CHD7: variants seen among roughly 807,000 people sequenced by gnomAD.
The protein encoded by CHD7 is chromodomain helicase DNA binding protein 7, also known as ATP-dependent chromatin remodeler CHD7.
CHD7 carries 24 observed loss-of-function variants against 307.3 expected under a neutral mutation model. The ratio of observed to expected loss-of-function variants is 0.08; its 90% CI spans 0.06 to 0.11. CHD7 has a LOEUF of 0.11. CHD7 is among the 10% of genes least tolerant of loss of function. The pLI is 1.00. For missense variants in CHD7, 3,106 were observed against 3,727.1 expected (o/e 0.83, Z 4.34); for synonymous variants, 1,363 against 1,349.9 (o/e 1.01, Z -0.21).
intron 2 of CHD7, among the ~76,000 whole-genome samples, chr8:60,773,804 T>G (rs1810823302): frequency 6.6e-6 from 1 of 152,116 alleles, no homozygotes; most frequent in South Asian, 2.1e-4. Context: ...TTGAGAATCA[T>G]AGTGGATAAT....
Position 60,849,038 on chromosome 8 carries a change from T to C in CHD7, c.5301-13T>C, listed in dbSNP as rs368716487. ...TTTTAATACTAATATTTCTTATAAA[T>C]GTTGTCTTTCAGTGAAGCCGATGTG... is the stretch of plus-strand genomic sequence containing the variant. On this transcript the variant is annotated splice_polypyrimidine_tract_variant and intron_variant, in intron 24 of 37. Coordinates refer to ENST00000423902, the MANE Select transcript of CHD7 (RefSeq NM_017780.4). 1.4e-5 allele frequency: 23 copies of C among 1,593,420 alleles called. No individual in the cohort carries two copies. In the African/African-American group the frequency reaches 1.6e-4, roughly 11 times the overall value.
chr8:60,773,317 G>T (rs1033057747), intron 2 of CHD7, among the ~76,000 whole-genome samples: 3 of 152,182 alleles, frequency 2.0e-5, no homozygotes, highest in African/African-American at 7.2e-5. Context: ...TTACTTCAGG[G>T]ATAGGAGATG....
chr8:60,706,155 T>C (rs1027790434), intron 1 of CHD7, among the ~76,000 whole-genome samples: 2 of 152,110 alleles, frequency 1.3e-5, no homozygotes, highest in African/African-American at 4.8e-5. Context: ...TTTTACACCA[T>C]GGTGATTACA....
intron 13 of CHD7, chr8:60,824,704 A>G (rs1242605627): frequency 6.6e-6 from 1 of 152,198 alleles, no homozygotes; most frequent in East Asian, 1.9e-4. Flanking sequence ...GGGGCATTAC[A>G]GTGCCTCAGA....
chr8:60,845,357 G>T lies in CHD7; in HGVS notation c.5158G>T (p.Ala1720Ser). 6.2e-7 allele frequency: 1 copy of T among 1,614,024 alleles called. No homozygotes were observed. Among genetic ancestry groups the T allele is most frequent in the South Asian group, 1.1e-5 (1 of 91,088 alleles). The change falls in exon 23 of 38, where the codon GCC becomes TCC. Residue 1720 changes from alanine (A) to serine (S), a missense_variant. Physicochemically the swap from Ala to Ser is moderately conservative, Grantham distance 99 (BLOSUM62 1). This residue lies in a region of CHD7 where 1,030 missense variants were observed against 1,165.4 expected (regional missense o/e 0.88). Coordinates refer to ENST00000423902, the MANE Select transcript of CHD7 (RefSeq NM_017780.4). ...ADWLASCNPDALFQEDSYKKH... is the reference protein window; with the variant it reads ...ADWLASCNPDSLFQEDSYKKH... ...CTGGCTGGCCAGCTGCAACCCAGAT[G>T]CCCTGTTCCAGGAGGACAGCTACAA...
At position 60,741,964 on chromosome 8, in the gene CHD7, C is replaced by G. The variant is rs766416900; in HGVS notation, c.532C>G (p.Pro178Ala). 27 of 1,613,630 alleles carry G rather than the reference C, an allele frequency of 1.7e-5. No homozygotes were observed. In the South Asian group the frequency reaches 2.9e-4, roughly 17 times the overall value. The change falls in exon 2 of 38, where the codon CCT becomes GCT. Residue 178 changes from proline to alanine, a missense_variant. Coordinates refer to ENST00000423902, the MANE Select transcript of CHD7 (RefSeq NM_017780.4). ...ACCGCAGCCGGCTCCGTCGGGGCCC[C>G]CTGCACAGGGCCACCCTCAGCACAT... ...QPPQPAPSGP[P>A]AQGHPQHMQQ...
At chr8:60,684,501 A>G (rs1369246037) in intron 1 of CHD7, among the ~76,000 whole-genome samples, 1 of 152,244 alleles carries the variant, frequency 6.6e-6, no homozygotes, top group Non-Finnish European at 1.5e-5. Flanking sequence ...AGTCGGTGCC[A>G]GGAGGAGTGA....
intron 1 of CHD7, among the ~76,000 whole-genome samples, chr8:60,715,070 G>A (rs1807521431): frequency 6.6e-6 from 1 of 152,214 alleles, no homozygotes; most frequent in Non-Finnish European, 1.5e-5. Flanking sequence ...GGCTCTTCTT[G>A]ATCAGTGAGA....
intron 1 of CHD7, among the ~76,000 whole-genome samples, chr8:60,704,606 G>T (rs1806928119): frequency 6.6e-6 from 1 of 151,336 alleles, no homozygotes; most frequent in South Asian, 2.1e-4. Context: ...GTCCAGGTGA[G>T]AGGTGGTAGT....
chr8:60,834,871 G>T (rs1804672087), intron 15 of CHD7, among the ~76,000 whole-genome samples: 1 of 152,214 alleles, frequency 6.6e-6, no homozygotes, highest in Non-Finnish European at 1.5e-5. Flanking sequence ...GCAGTACCAT[G>T]TGAGAGGCTG....
At chr8:60,733,681 C>T (rs1019610049) in intron 1 of CHD7, among the ~76,000 whole-genome samples, 1 of 152,162 alleles carries the variant, frequency 6.6e-6, no homozygotes, top group African/African-American at 2.4e-5. Flanking sequence ...GTGCTGTGGG[C>T]ATGCACTTAG....
At chr8:60,684,592 T>C (rs1467020076) in intron 1 of CHD7, among the ~76,000 whole-genome samples, 1 of 152,072 alleles carries the variant, frequency 6.6e-6, no homozygotes, top group African/African-American at 2.4e-5. Flanking sequence ...ATCTGAATGA[T>C]GGTAGAAGAA....
chr8:60,856,881 T>C lies in CHD7; in HGVS notation c.7601T>C (p.Leu2534Ser). 7 of 1,546,018 alleles carry C rather than the reference T, an allele frequency of 4.5e-6. No individual in the cohort carries two copies. The highest frequency in any genetic ancestry group is 6.1e-6 in the Non-Finnish European group (7 of 1,148,548). The change falls in exon 34 of 38, where the codon TTG becomes TCG. Residue 2534 changes from leucine (L) to serine (S), a missense_variant. Coordinates refer to ENST00000423902, the MANE Select transcript of CHD7 (RefSeq NM_017780.4). ...TTCATGAGCCACAAACGGACGTCAT[T>C]GAGTGCAGTAAGTTGGGGAGCTTGC... is the stretch of plus-strand genomic sequence containing the variant. ...LLFMSHKRTS[L>S]SAEDAEVTKA... is the part of the protein sequence containing the mutation.
intron 1 of CHD7, among the ~76,000 whole-genome samples, chr8:60,725,573 T>C (rs995675421): frequency 6.6e-6 from 1 of 152,198 alleles, no homozygotes; most frequent in East Asian, 1.9e-4. Context: ...CTCACTCATA[T>C]TTTTTCAGCA....
rs942343173 is a variant in CHD7, at chr8:60,847,651, T to G, written c.5211-864T>G. On this transcript the variant is annotated intron_variant, in intron 23 of 37. Transcript: ENST00000423902. ...GGCTGTCCAGCAGGGGATGCTAGCT[T>G]TGGTAGACACTGGCTTTTGGGACTT... Among the ~76,000 whole-genome samples, 3 of 152,128 alleles carry G rather than the reference T, an allele frequency of 2.0e-5. No individual in the cohort carries two copies. In the South Asian group the frequency reaches 6.2e-4, roughly 32 times the overall value.
rs568431710 is a variant in CHD7, at chr8:60,787,583, A to G, written c.2096+6153A>G. On this transcript the variant is annotated intron_variant, in intron 3 of 37. Transcript: ENST00000423902. Reference sequence around the variant, plus strand: ...AAAGGCACTTTTTTTAAGTAAGACAACACCCTTAAACTTCCATTAGAATAC... The same window carrying G: ...AAAGGCACTTTTTTTAAGTAAGACAGCACCCTTAAACTTCCATTAGAATAC... Among the ~76,000 whole-genome samples the G allele has an allele frequency of 6.6e-5, 10 of 152,180 alleles. No homozygotes were observed. In the South Asian group the frequency reaches 1.5e-3, roughly 22 times the overall value.
chr8:60,793,286 A>C (rs1377212546), intron 3 of CHD7, among the ~76,000 whole-genome samples: 1 of 151,912 alleles, frequency 6.6e-6, no homozygotes, highest in Non-Finnish European at 1.5e-5. Flanking sequence ...CTTTCTGTGG[A>C]TCTTTCGGAG....
intron 13 of CHD7, 177 bp downstream of exon 13, chr8:60,824,193 T>C: frequency 1.7e-6 from 1 of 580,100 alleles, no homozygotes; most frequent in Non-Finnish European, 3.0e-6. Flanking sequence ...ATTCTTACAT[T>C]GTTGGCTAGT....
chr8:60,699,201 T>C (rs1035218328), intron 1 of CHD7, among the ~76,000 whole-genome samples: 1 of 152,252 alleles, frequency 6.6e-6, no homozygotes, highest in Non-Finnish European at 1.5e-5. Context: ...TTGCTGGTGG[T>C]ATCTTGGTCA....
Sources: allele counts gnomAD v4.1 joint callset (sites outside exome capture counted in the v4.1 genomes callset), GRCh38; gene constraint gnomAD v4.1.1; regional missense constraint gnomAD v4.1.1; transcripts MANE v1.5; gene names NCBI Gene and HGNC (gene_info 2026-07-23, HGNC 2026-07-21).